Variants in RPS6KA2 observed in about 807,000 individuals in gnomAD.
The protein encoded by RPS6KA2 is ribosomal protein S6 kinase A2.
In RPS6KA2, 42 loss-of-function variants were observed where a neutral mutation model predicts 91.8. That is an observed-to-expected ratio of 0.46 (90% confidence interval 0.36 to 0.59). The LOEUF is 0.59. RPS6KA2 is among the 20% of genes least tolerant of loss of function. The pLI, the probability that RPS6KA2 is intolerant of heterozygous loss-of-function variation, is 0.00. For missense variants in RPS6KA2, 798 were observed against 978.5 expected (o/e 0.82, Z 2.46); for synonymous variants, 414 against 393.6 (o/e 1.05, Z -0.61).
At chr6:166,521,147 CT>C (rs1463696147) in intron 3 of RPS6KA2, among the ~76,000 whole-genome samples, 1 of 152,254 alleles carries the variant, frequency 6.6e-6, no homozygotes, top group Non-Finnish European at 1.5e-5. Context: ...GTGTGGTTCT[CT>C]TTTCCCCACC....
intron 2 of RPS6KA2, among the ~76,000 whole-genome samples, chr6:166,800,939 T>C (rs777994604): frequency 6.6e-6 from 1 of 152,236 alleles, no homozygotes; most frequent in Non-Finnish European, 1.5e-5. Context: ...CAAAAATCTT[T>C]AAAGTTAATA....
chr6:166,771,387 C>T (rs1778468777), intron 2 of RPS6KA2, among the ~76,000 whole-genome samples: 1 of 152,132 alleles, frequency 6.6e-6, no homozygotes, highest in Non-Finnish European at 1.5e-5. Context: ...GTTAAAATTC[C>T]AATCGTGCTT....
At chr6:166,564,762 C>A (rs930000366) in intron 1 of RPS6KA2, among the ~76,000 whole-genome samples, 2 of 152,186 alleles carry the variant, frequency 1.3e-5, no homozygotes, top group Non-Finnish European at 2.9e-5. Context: ...AAAGTCCTTG[C>A]TCATCCTCCC....
At chr6:166,744,583 G>A (rs920250929) in intron 2 of RPS6KA2, among the ~76,000 whole-genome samples, 1 of 152,166 alleles carries the variant, frequency 6.6e-6, no homozygotes, top group South Asian at 2.1e-4. Flanking sequence ...CTGGAGAGCC[G>A]CGCACCCGTG....
chr6:166,523,575 T>C (rs1393447527), intron 3 of RPS6KA2, among the ~76,000 whole-genome samples: 2 of 152,138 alleles, frequency 1.3e-5, no homozygotes, highest in East Asian at 3.9e-4. Flanking sequence ...TTTATAAAAA[T>C]ATAATAATAA....
chr6:166,428,952 C>T (rs1205947172), intron 16 of RPS6KA2, among the ~76,000 whole-genome samples: 25 of 150,896 alleles, frequency 1.7e-4, no homozygotes, highest in Non-Finnish European at 2.2e-4. Flanking sequence ...ACCCAAAGGA[C>T]TATAAATCAT....
chr6:166,692,900 T>G (rs138281584), intron 2 of RPS6KA2, among the ~76,000 whole-genome samples: 2 of 152,292 alleles, frequency 1.3e-5, no homozygotes, highest in Non-Finnish European at 1.5e-5. Flanking sequence ...TGTCTTTCTC[T>G]TCAAGCATGG....
chr6:166,862,590 C>G (rs1781075670), upstream of RPS6KA2: 9 of 236,910 alleles, frequency 3.8e-5, no homozygotes, highest in South Asian at 5.3e-4. Context: ...CCTGGCCACG[C>G]TCTTCCCTCC....
At chr6:166,746,611 G>A (rs1357256194) in intron 2 of RPS6KA2, among the ~76,000 whole-genome samples, 1 of 152,218 alleles carries the variant, frequency 6.6e-6, no homozygotes, top group Non-Finnish European at 1.5e-5. Context: ...GTCCCAGAAG[G>A]CTACCCCTCA....
chr6:166,638,560 G>C (rs963302), intron 2 of RPS6KA2, among the ~76,000 whole-genome samples: 51,133 of 152,012 alleles, frequency 0.34, 8,957 homozygotes, highest in East Asian at 0.46. Flanking sequence ...ATCTAAAAAC[G>C]ACCGCGGTAA....
At chr6:166,621,231 C>T (rs147730076) in intron 1 of RPS6KA2, among the ~76,000 whole-genome samples, 4 of 152,172 alleles carry the variant, frequency 2.6e-5, no homozygotes, top group East Asian at 1.9e-4. Context: ...CTTGGCTGGT[C>T]GGAAACACTG....
At chr6:166,472,042 A>G (rs1780791481) in intron 10 of RPS6KA2, among the ~76,000 whole-genome samples, 1 of 152,194 alleles carries the variant, frequency 6.6e-6, no homozygotes. Context: ...TCCTTTGATG[A>G]TGACCAGAAC....
intron 2 of RPS6KA2, among the ~76,000 whole-genome samples, chr6:166,839,514 G>A (rs1780403514): frequency 6.6e-6 from 1 of 150,848 alleles, no homozygotes; most frequent in African/African-American, 2.4e-5. Flanking sequence ...CATATCTGAG[G>A]GGTTAGTTAC....
At chr6:166,855,824 G>A (rs1780885096) in intron 2 of RPS6KA2, among the ~76,000 whole-genome samples, 1 of 152,110 alleles carries the variant, frequency 6.6e-6, no homozygotes, top group Non-Finnish European at 1.5e-5. Context: ...CAAGATTATA[G>A]TTCTGCAAAA....
intron 2 of RPS6KA2, among the ~76,000 whole-genome samples, chr6:166,725,080 A>G (rs1790294486): frequency 6.6e-6 from 1 of 152,240 alleles, no homozygotes; most frequent in Non-Finnish European, 1.5e-5. Context: ...AAAATGCCAA[A>G]GAATAATCCC....
intron 12 of RPS6KA2, among the ~76,000 whole-genome samples, chr6:166,458,741 C>T (rs1780181326): frequency 6.6e-6 from 1 of 152,230 alleles, no homozygotes; most frequent in Non-Finnish European, 1.5e-5. Context: ...CTGTCAGTAC[C>T]TTGAACTTGG....
At position 166,492,924 on chromosome 6, in the gene RPS6KA2, G is replaced by T. The variant is rs191282090; in HGVS notation, c.748-2183C>A. Among the ~76,000 whole-genome samples the T allele has an allele frequency of 2.3e-3, 336 of 144,600 alleles. 1 individual carries two copies. The highest frequency in any genetic ancestry group is 8.3e-3 in the African/African-American group (323 of 39,004). 94.9% of individuals were successfully genotyped at this position (144,600 alleles called of 152,430 possible). On this transcript the variant is annotated intron_variant, in intron 8 of 20. Coordinates refer to ENST00000265678, the MANE Select transcript of RPS6KA2 (RefSeq NM_021135.6). ...TTTTTTTTTTTTTAGTAGAGACAGG[G>T]TTTCACCATGTTGGCCAGGCTGAAC... is the stretch of plus-strand genomic sequence containing the variant.
chr6:166,771,250 C>T (rs114230841), intron 2 of RPS6KA2, among the ~76,000 whole-genome samples: 47 of 152,320 alleles, frequency 3.1e-4, no homozygotes, highest in African/African-American at 1.1e-3. Context: ...TCTTCCAAGC[C>T]ACGCATCAGT....
intron 16 of RPS6KA2, among the ~76,000 whole-genome samples, chr6:166,424,876 T>C (rs1042303497): frequency 6.6e-6 from 1 of 152,218 alleles, no homozygotes; most frequent in African/African-American, 2.4e-5. Flanking sequence ...TTGGTAAAAA[T>C]GATTTTAGAC....
Sources: gnomAD v4.1 joint callset for allele counts (sites outside exome capture counted in the v4.1 genomes callset) on GRCh38, gnomAD v4.1.1 for gene constraint, MANE v1.5 for transcripts, NCBI Gene and HGNC (gene_info 2026-07-23, HGNC 2026-07-21) for gene names.